The following DOCK2 variants were observed in gnomAD, a reference collection of about 807,000 sequenced individuals.
DOCK2 encodes dedicator of cytokinesis 2.
DOCK2 carries 87 observed loss-of-function variants against 248.9 expected under a neutral mutation model. The ratio of observed to expected loss-of-function variants is 0.35; its 90% CI spans 0.29 to 0.42. The LOEUF (loss-of-function observed/expected upper bound fraction) is 0.42. DOCK2 is among the 10% of genes least tolerant of loss of function. The pLI is 1.00. For synonymous variants in DOCK2, 805 were observed against 821.6 expected, an observed-to-expected ratio of 0.98 and a Z score of 0.35; for missense variants, 1,747 against 2,300.2, an observed-to-expected ratio of 0.76 and a Z score of 4.92.
chr5:169,775,458 C>A (rs1765333289), intron 25 of DOCK2, among the ~76,000 whole-genome samples: 1 of 151,800 alleles, frequency 6.6e-6, no homozygotes, highest in Admixed American at 6.6e-5. Flanking sequence ...AGATAAGTCT[C>A]CCAAGTGGAG....
Position 169,637,370 on chromosome 5 carries a change from G to A in DOCK2, c.43+1G>A. On this transcript the variant is annotated splice_donor_variant, in intron 1 of 51. Transcript: ENST00000520908. LOFTEE classifies it high-confidence loss of function. ...GCTGACAAGGAGCGGCACGGCGTGGGTAGGTGCGGGCCCCAGGGCGCGGCA... is the reference window on the plus strand; with the variant it reads ...GCTGACAAGGAGCGGCACGGCGTGGATAGGTGCGGGCCCCAGGGCGCGGCA... The A allele has an allele frequency of 1.4e-6, 2 of 1,422,678 alleles. No individual in the cohort carries two copies. The highest frequency in any genetic ancestry group is 9.2e-7 in the Non-Finnish European group (1 of 1,088,566). 88.1% of individuals were successfully genotyped at this position (1,422,678 alleles called of 1,614,324 possible).
Position 169,981,237 on chromosome 5 carries a change from C to T in DOCK2, c.2800-1831C>T, listed in dbSNP as rs188838922. 7.7e-4 allele frequency among the ~76,000 whole-genome samples: 118 copies of T among 152,280 alleles called. No individual in the cohort carries two copies. In the East Asian group the frequency reaches 0.013, roughly 17 times the overall value. ...AAATCCATATCATGGGAGCTACTTT[C>T]GGGAGTATAAACTTAAGAAACAGTT... On this transcript the variant is annotated intron_variant, in intron 27 of 51. Transcript: ENST00000520908.
intron 21 of DOCK2, 96 bp from the exon 22 acceptor site, chr5:169,718,561 C>A: frequency 1.5e-6 from 2 of 1,371,168 alleles, no homozygotes; most frequent in Non-Finnish European, 1.9e-6. Context: ...GCTCTACTAC[C>A]ACCTTTAACC....
At chr5:169,686,455 C>T (rs899672419) in intron 8 of DOCK2, among the ~76,000 whole-genome samples, 3 of 152,068 alleles carry the variant, frequency 2.0e-5, no homozygotes, top group East Asian at 1.9e-4. Flanking sequence ...GAGACGAGGG[C>T]CAGCCCAGGG....
chr5:170,059,380 A>G (rs1470466179), intron 44 of DOCK2, among the ~76,000 whole-genome samples: 1 of 152,114 alleles, frequency 6.6e-6, no homozygotes, highest in Non-Finnish European at 1.5e-5. Flanking sequence ...CTTTCTGTCA[A>G]TCTGTAGCCT....
intron 41 of DOCK2, among the ~76,000 whole-genome samples, chr5:170,054,903 C>T (rs1216472025): frequency 6.6e-6 from 1 of 152,154 alleles, no homozygotes; most frequent in African/African-American, 2.4e-5. Context: ...CTTCTCTGGC[C>T]TCGAAGGGGA....
intron 41 of DOCK2, among the ~76,000 whole-genome samples, chr5:170,051,425 T>C (rs1756911329): frequency 6.6e-6 from 1 of 152,200 alleles, no homozygotes; most frequent in Non-Finnish European, 1.5e-5. Flanking sequence ...TCATGTTCTC[T>C]GTTCCCTCTG....
At chr5:169,954,826 T>A (rs1428882170) in intron 27 of DOCK2, among the ~76,000 whole-genome samples, 1 of 152,160 alleles carries the variant, frequency 6.6e-6, no homozygotes. Context: ...CTCATACAGG[T>A]CCACCCAGGC....
intron 27 of DOCK2, among the ~76,000 whole-genome samples, chr5:169,877,694 A>T (rs538774157): frequency 1.6e-4 from 25 of 152,352 alleles, no homozygotes; most frequent in African/African-American, 6.0e-4. Flanking sequence ...GATATCAGAT[A>T]AAAGGTAGCA....
At chr5:169,827,753 G>A (rs1213085393) in intron 26 of DOCK2, among the ~76,000 whole-genome samples, 1 of 152,196 alleles carries the variant, frequency 6.6e-6, no homozygotes, top group Non-Finnish European at 1.5e-5. Context: ...TTTAGTGGAG[G>A]AAAAGGGAGC....
At chr5:169,804,494 G>GCACA (rs1554102790) in intron 26 of DOCK2, among the ~76,000 whole-genome samples, 51 of 57,968 alleles carry the variant, frequency 8.8e-4, no homozygotes, top group African/African-American at 1.5e-3. Context: ...GTGCGCGCGC[G>GCACA]CGTGCGCGTA....
chr5:169,856,477 G>T (rs1770901262), intron 27 of DOCK2, among the ~76,000 whole-genome samples: 1 of 152,156 alleles, frequency 6.6e-6, no homozygotes, highest in African/African-American at 2.4e-5. Flanking sequence ...GTGGAGATGA[G>T]GTAGAGCTTC....
chr5:169,881,281 C>G, intron 27 of DOCK2: 1 of 1,139,916 alleles, frequency 8.8e-7, no homozygotes, highest in Non-Finnish European at 1.3e-6. Flanking sequence ...CCTCTCTTGA[C>G]TTTTTGCATT....
At chr5:169,688,258 G>A (rs1760096702) in intron 8 of DOCK2, among the ~76,000 whole-genome samples, 1 of 152,184 alleles carries the variant, frequency 6.6e-6, no homozygotes, top group South Asian at 2.1e-4. Flanking sequence ...GCATCCAGCT[G>A]TTTCCTGCCT....
At chr5:169,974,880 C>T (rs1342052180) in intron 27 of DOCK2, among the ~76,000 whole-genome samples, 1 of 151,496 alleles carries the variant, frequency 6.6e-6, no homozygotes, top group Non-Finnish European at 1.5e-5. Flanking sequence ...GAGTTAGAAA[C>T]AGGATAATTA....
chr5:169,975,849 T>C (rs1453241837), intron 27 of DOCK2, among the ~76,000 whole-genome samples: 1 of 152,218 alleles, frequency 6.6e-6, no homozygotes, highest in Non-Finnish European at 1.5e-5. Context: ...TAACCTCAGC[T>C]GTATCCCCAG....
chr5:169,745,234 G>C (rs767553248), intron 22 of DOCK2, among the ~76,000 whole-genome samples: 1 of 152,220 alleles, frequency 6.6e-6, no homozygotes, highest in South Asian at 2.1e-4. Context: ...TTTTCAGCCA[G>C]GTCAAGGACA....
intron 25 of DOCK2, among the ~76,000 whole-genome samples, chr5:169,772,605 A>G (rs1017125389): frequency 6.6e-6 from 1 of 152,246 alleles, no homozygotes; most frequent in Non-Finnish European, 1.5e-5. Flanking sequence ...GTAAATGATG[A>G]CACTGAACAA....
intron 27 of DOCK2, among the ~76,000 whole-genome samples, chr5:169,903,627 T>C (rs897047073): frequency 2.0e-5 from 3 of 151,984 alleles, no homozygotes. Context: ...AGTATGGAGA[T>C]AAGAGGAAGC....
Sources: allele counts gnomAD v4.1 joint callset (sites outside exome capture counted in the v4.1 genomes callset), GRCh38; gene constraint gnomAD v4.1.1; transcripts MANE v1.5; gene names NCBI Gene and HGNC (gene_info 2026-07-23, HGNC 2026-07-21).